The following TRPM7 variants were observed in gnomAD, a reference collection of about 807,000 sequenced individuals.
TRPM7 encodes the protein transient receptor potential cation channel subfamily M member 7, also known as LTRPC ion channel family member 7.
A neutral mutation model predicts 229.7 loss-of-function variants in TRPM7; 134 were observed. The observed-to-expected ratio is 0.58, with a 90% CI of 0.51 to 0.67. The LOEUF (loss-of-function observed/expected upper bound fraction) is 0.67. Ranked by LOEUF, TRPM7 falls within the 30% of genes least tolerant of loss-of-function variation. The pLI, the probability that TRPM7 is intolerant of heterozygous loss-of-function variation, is 0.00. For synonymous variants in TRPM7, 699 were observed against 715.2 expected (o/e 0.98, Z 0.36); for missense variants, 1,901 against 2,210.0 (o/e 0.86, Z 2.80).
intron 32 of TRPM7, 28 bp from the exon 33 acceptor site, chr15:50,575,817 A>G: frequency 6.2e-7 from 1 of 1,612,726 alleles, no homozygotes; most frequent in Non-Finnish European, 8.5e-7. Context: ...AGAAATAATT[A>G]AATCTGTAAA....
intron 12 of TRPM7, among the ~76,000 whole-genome samples, chr15:50,621,182 A>T (rs2060394612): frequency 6.8e-6 from 1 of 147,942 alleles, no homozygotes. Context: ...AAAAAAAAAA[A>T]CCTATTTATT....
At chr15:50,607,153 T>C in intron 20 of TRPM7, 47 bp downstream of exon 20, 1 of 1,553,476 alleles carries the variant, frequency 6.4e-7, no homozygotes, top group South Asian at 1.2e-5. Flanking sequence ...ACAGAAAATC[T>C]TCCATGTATA....
chr15:50,613,089 T>C (rs186740458), intron 15 of TRPM7, among the ~76,000 whole-genome samples: 191 of 152,340 alleles, frequency 1.3e-3, no homozygotes, highest in African/African-American at 4.5e-3. Context: ...TAGAACATAA[T>C]TTTAATAAAG....
At chr15:50,676,864 CTTAATA>C (rs1400930854) in intron 1 of TRPM7, among the ~76,000 whole-genome samples, 2 of 152,132 alleles carry the variant, frequency 1.3e-5, no homozygotes, top group Non-Finnish European at 2.9e-5. Context: ...ATCCTAAATA[CTTAATA>C]TTAATTCTAC....
chr15:50,631,859 C>G (rs868351607), intron 9 of TRPM7, among the ~76,000 whole-genome samples: 1 of 152,076 alleles, frequency 6.6e-6, no homozygotes. Flanking sequence ...CCTACAGGTC[C>G]TTCCACAGAA....
intron 24 of TRPM7, among the ~76,000 whole-genome samples, chr15:50,594,177 AAAG>A (rs1315648658): frequency 1.3e-5 from 2 of 152,244 alleles, no homozygotes; most frequent in Non-Finnish European, 2.9e-5. Flanking sequence ...GTAGAACAAC[AAAG>A]AAGTTCGGTT....
intron 38 of TRPM7, among the ~76,000 whole-genome samples, chr15:50,568,457 T>A (rs1232827750): frequency 6.6e-6 from 1 of 152,160 alleles, no homozygotes; most frequent in African/African-American, 2.4e-5. Flanking sequence ...ATCAATGGCA[T>A]TTCTGTATAC....
chr15:50,588,316 C>T (rs539082927), intron 27 of TRPM7: 1 of 771,762 alleles, frequency 1.3e-6, no homozygotes, highest in African/African-American at 1.9e-5. Context: ...AAGGAAAAAA[C>T]CCAGGTAATC....
intron 34 of TRPM7, 65 bp from the exon 35 acceptor site, chr15:50,574,784 T>G (rs2054056837): frequency 1.3e-6 from 2 of 1,588,386 alleles, no homozygotes; most frequent in Non-Finnish European, 1.7e-6. Flanking sequence ...TTTGGCTTAT[T>G]GATATTTCAG....
chr15:50,671,401 T>C (rs1046746752), intron 1 of TRPM7, among the ~76,000 whole-genome samples: 1 of 152,188 alleles, frequency 6.6e-6, no homozygotes, highest in Non-Finnish European at 1.5e-5. Context: ...TCTTTAAGAT[T>C]GAATGATATT....
Position 50,604,119 on chromosome 15 carries a change from A to G in TRPM7, c.2988+747T>C, listed in dbSNP as rs144955402. On this transcript the variant is annotated intron_variant, in intron 21 of 38. Transcript: ENST00000646667. ...AATTACGGCAAGGAGTAGACCCAAT[A>G]TATTTCAGATTCAGTGTATAAAAAA... 6.6e-5 allele frequency: 10 copies of G among 152,342 alleles called. No homozygotes were observed. The East Asian group carries it at 1.9e-3, about 29-fold the overall frequency. The allele number at this position is 152,342 out of a possible 1,614,324, so 9.4% of individuals were successfully genotyped here. A position where few individuals can be genotyped will look rare whatever the true frequency, so the allele number is the denominator to read the frequency against.
At chr15:50,570,178 G>C in intron 36 of TRPM7, 23 bp from the exon 37 acceptor site, 2 of 1,521,272 alleles carry the variant, frequency 1.3e-6, no homozygotes, top group Non-Finnish European at 1.8e-6. Flanking sequence ...ATATAAAAAA[G>C]ACAAATAATT....
At position 50,589,616 on chromosome 15, in the gene TRPM7, T is replaced by C. The variant is rs771349069; in HGVS notation, c.4365A>G (p.Thr1455=). Residue 1455 remains threonine (T), a synonymous_variant, in exon 27 of 39, where the codon ACA becomes ACG. Coordinates refer to ENST00000646667, the MANE Select transcript of TRPM7 (RefSeq NM_017672.6). ...CGGATAGTATTTTTATCTTGTTTGA[T>C]GTTTCTTTAAACCTCTGTAAATCCA... ...DSMDLQRFKE[T]SNKIKILSNN... 1.3e-6 allele frequency: 2 copies of C among 1,591,650 alleles called. No individual in the cohort carries two copies. The highest frequency in any genetic ancestry group is 1.7e-5 in the Admixed American group (1 of 58,684).
chr15:50,637,719 C>T (rs925723249), intron 6 of TRPM7, 126 bp from the exon 7 acceptor site: 32 of 832,932 alleles, frequency 3.8e-5, no homozygotes, highest in Non-Finnish European at 5.6e-5. Context: ...GAAATAAATA[C>T]CAAATGACAA....
In TRPM7 at chr15:50,592,084, A is replaced by G; in HGVS notation, c.4151T>C (p.Leu1384Ser). 1 of 1,611,054 alleles carries G rather than the reference A, an allele frequency of 6.2e-7. No individual in the cohort carries two copies. Among genetic ancestry groups the G allele is most frequent in the Non-Finnish European group, 8.5e-7 (1 of 1,179,322 alleles). The change falls in exon 26 of 39, where the codon TTA becomes TCA. Residue 1384 changes from leucine to serine, a missense_variant. Transcript: ENST00000646667. ...TGGTATGCTAGTAGATGAACTGCCT[A>G]ATTTTTGATTTTTATTAAATATTTT... ...LLKIFNKNQK[L>S]GSSSTSIPHL... is the part of the protein sequence containing the mutation.
At chr15:50,619,894 T>C (rs2060341416) in intron 12 of TRPM7, 96 bp from the exon 13 acceptor site, 7 of 1,043,602 alleles carry the variant, frequency 6.7e-6, no homozygotes, top group African/African-American at 1.7e-5. Flanking sequence ...CAAATTACAT[T>C]GTTTTGGAGT....
intron 38 of TRPM7, among the ~76,000 whole-genome samples, chr15:50,565,580 C>T (rs1344359747): frequency 1.3e-5 from 2 of 152,234 alleles, no homozygotes; most frequent in South Asian, 2.1e-4. Context: ...CTAAGAACAA[C>T]GCCTCAAAAC....
intron 1 of TRPM7, among the ~76,000 whole-genome samples, chr15:50,678,308 T>C (rs1186547699): frequency 6.7e-6 from 1 of 149,628 alleles, no homozygotes; most frequent in Non-Finnish European, 1.5e-5. Flanking sequence ...CAGAGTTATG[T>C]GATAAATTTG....
intron 9 of TRPM7, 90 bp downstream of exon 9, chr15:50,632,779 A>C: frequency 8.0e-7 from 1 of 1,251,032 alleles, no homozygotes; most frequent in African/African-American, 1.6e-5. Context: ...ATCCAAATAA[A>C]AACAAAAGTA....
Sources: gnomAD v4.1 joint callset for allele counts (sites outside exome capture counted in the v4.1 genomes callset) on GRCh38, gnomAD v4.1.1 for gene constraint, MANE v1.5 for transcripts, NCBI Gene and HGNC (gene_info 2026-07-23, HGNC 2026-07-21) for gene names.